ATF7IP2: variants seen among roughly 807,000 people sequenced by gnomAD.
The protein encoded by ATF7IP2 is activating transcription factor 7 interacting protein 2.
In ATF7IP2, 42 loss-of-function variants were observed where a neutral mutation model predicts 64.2. The ratio of observed to expected loss-of-function variants is 0.65; its 90% CI spans 0.51 to 0.85. ATF7IP2 has a LOEUF of 0.85. Among genes scored for constraint, ATF7IP2 ranks in the 40% least tolerant of loss-of-function variants. The pLI, the probability that ATF7IP2 is intolerant of heterozygous loss-of-function variation, is 0.00. For missense variants in ATF7IP2, 933 were observed against 784.2 expected (o/e 1.19, Z -2.27); for synonymous variants, 308 against 272.8 (o/e 1.13, Z -1.27).
chr16:10,447,219 C>T (rs1032839872), intron 8 of ATF7IP2: 1 of 152,356 alleles, frequency 6.6e-6, no homozygotes, highest in Non-Finnish European at 1.5e-5. Flanking sequence ...AGCGGCTTTT[C>T]TTACCTTGGT....
chr16:10,445,857 G>C (rs1228151937), intron 8 of ATF7IP2: 1 of 152,178 alleles, frequency 6.6e-6, no homozygotes, highest in Non-Finnish European at 1.5e-5. Flanking sequence ...ACTAGGTCTT[G>C]ACCTTTGCTA....
At chr16:10,469,612 C>T (rs536407591) in intron 9 of ATF7IP2, among the ~76,000 whole-genome samples, 34 of 152,074 alleles carry the variant, frequency 2.2e-4, no homozygotes, top group Non-Finnish European at 4.4e-4. Flanking sequence ...CCCGTCTCTA[C>T]TAAAAATATA....
In ATF7IP2 at chr16:10,427,136, G is replaced by C. The variant is rs565562107; in HGVS notation, c.-159-1732G>C. ...TCCAGAGTGCTGGGATTACAGGCTTGAGCCACTGCACCTGGCCGGAATATG... is the reference window on the plus strand; with the variant it reads ...TCCAGAGTGCTGGGATTACAGGCTTCAGCCACTGCACCTGGCCGGAATATG... On this transcript the variant is annotated intron_variant, in intron 3 of 13. Transcript: ENST00000562102. Among the ~76,000 whole-genome samples, 5 of 152,284 alleles carry C rather than the reference G, an allele frequency of 3.3e-5. No individual in the cohort carries two copies. In the South Asian group the frequency reaches 1.0e-3, roughly 32 times the overall value.
At chr16:10,468,789 A>C (rs1161175402) in intron 9 of ATF7IP2, among the ~76,000 whole-genome samples, 2 of 152,230 alleles carry the variant, frequency 1.3e-5, no homozygotes, top group African/African-American at 2.4e-5. Flanking sequence ...ATTGATTCCT[A>C]GAAGTCATAC....
intron 9 of ATF7IP2, among the ~76,000 whole-genome samples, chr16:10,463,537 G>T (rs2049443894): frequency 6.6e-6 from 1 of 152,160 alleles, no homozygotes; most frequent in Non-Finnish European, 1.5e-5. Flanking sequence ...GCTCTACATG[G>T]TGAGGCATCC....
chr16:10,471,427 C>G (rs1432440975), intron 9 of ATF7IP2, among the ~76,000 whole-genome samples: 1 of 152,074 alleles, frequency 6.6e-6, no homozygotes, highest in Non-Finnish European at 1.5e-5. Flanking sequence ...ACTGAAGAGG[C>G]TGAGGCAGGA....
intron 7 of ATF7IP2, among the ~76,000 whole-genome samples, chr16:10,439,269 G>A (rs1015028660): frequency 4.0e-5 from 6 of 151,728 alleles, no homozygotes; most frequent in African/African-American, 1.2e-4. Context: ...TCGCTCTGTC[G>A]CCCAGGCTGG....
rs1363516925 is a variant in ATF7IP2, at chr16:10,482,095, T to G, written c.1895T>G (p.Ile632Ser). 3.7e-6 allele frequency: 6 copies of G among 1,614,054 alleles called. No homozygotes were observed. The highest frequency in any genetic ancestry group is 4.2e-6 in the Non-Finnish European group (5 of 1,180,022). ...NKLIWKKIGE[I>S]KALPLPMACT... ...TTGATTTGGAAGAAGATTGGAGAAA[T>G]TAAAGCTTTACCACTCCCCATGGCC... The change falls in exon 14 of 14, where the codon ATT becomes AGT. Residue 632 changes from isoleucine (I) to serine (S), a missense_variant. Coordinates refer to ENST00000562102, the MANE Select transcript of ATF7IP2 (RefSeq NM_001393719.1).
At chr16:10,446,313 T>C (rs1396344156) in intron 8 of ATF7IP2, 1 of 152,230 alleles carries the variant, frequency 6.6e-6, no homozygotes, top group Non-Finnish European at 1.5e-5. Flanking sequence ...TGTTAAATAA[T>C]CTCTAACAGG....
At chr16:10,424,718 C>T (rs554044750) in intron 3 of ATF7IP2, among the ~76,000 whole-genome samples, 1 of 152,256 alleles carries the variant, frequency 6.6e-6, no homozygotes, top group East Asian at 1.9e-4. Context: ...GCACAAGCCT[C>T]CAAGAAGTAC....
intron 8 of ATF7IP2, chr16:10,449,729 T>G (rs538810429): frequency 1.1e-4 from 16 of 152,254 alleles, no homozygotes; most frequent in African/African-American, 3.8e-4. Context: ...GCGGTCTATT[T>G]TGTTGGATCT....
intron 9 of ATF7IP2, among the ~76,000 whole-genome samples, chr16:10,465,002 G>C (rs2049512030): frequency 6.6e-6 from 1 of 152,092 alleles, no homozygotes; most frequent in African/African-American, 2.4e-5. Context: ...AGCTAATTTT[G>C]TGTTTTTAGT....
chr16:10,407,395 A>G (rs2047664862), intron 1 of ATF7IP2, among the ~76,000 whole-genome samples: 1 of 152,192 alleles, frequency 6.6e-6, no homozygotes, highest in Non-Finnish European at 1.5e-5. Flanking sequence ...GGCGAATCAG[A>G]GGAGAAATAA....
intron 3 of ATF7IP2, among the ~76,000 whole-genome samples, chr16:10,425,329 T>C: frequency 6.6e-6 from 1 of 151,074 alleles, no homozygotes; most frequent in Non-Finnish European, 1.5e-5. Context: ...CTCAGCCTCC[T>C]AAACTGCTGG....
At chr16:10,403,420 A>C (rs540237345) in intron 1 of ATF7IP2, among the ~76,000 whole-genome samples, 2 of 152,280 alleles carry the variant, frequency 1.3e-5, no homozygotes, top group African/African-American at 4.8e-5. Flanking sequence ...TTCACCACTG[A>C]ACTCATCCAG....
chr16:10,402,011 G>A (rs2047545135), intron 1 of ATF7IP2, among the ~76,000 whole-genome samples: 1 of 152,022 alleles, frequency 6.6e-6, no homozygotes, highest in African/African-American at 2.4e-5. Context: ...CTTGGTTGGT[G>A]TAGGTAGTAG....
chr16:10,443,839 G>C (rs575744619), intron 8 of ATF7IP2, among the ~76,000 whole-genome samples: 1 of 152,282 alleles, frequency 6.6e-6, no homozygotes, highest in South Asian at 2.1e-4. Context: ...GTGGAGAGAA[G>C]AACTGGGTTA....
chr16:10,467,810 C>T (rs1171182703), intron 9 of ATF7IP2, among the ~76,000 whole-genome samples: 4 of 151,744 alleles, frequency 2.6e-5, no homozygotes, highest in Non-Finnish European at 5.9e-5. Flanking sequence ...GCCTCGGCCC[C>T]ACAAAGTGCT....
At chr16:10,434,737 G>A (rs975375857) in intron 6 of ATF7IP2, among the ~76,000 whole-genome samples, 1 of 152,176 alleles carries the variant, frequency 6.6e-6, no homozygotes, top group African/African-American at 2.4e-5. Context: ...CAAGAAGAAG[G>A]TTGGGGATTC....
Sources: gnomAD v4.1 joint callset for allele counts (sites outside exome capture counted in the v4.1 genomes callset) on GRCh38, gnomAD v4.1.1 for gene constraint, MANE v1.5 for transcripts, NCBI Gene and HGNC (gene_info 2026-07-23, HGNC 2026-07-21) for gene names.